The following HSP90AA1 variants were observed in gnomAD, a reference collection of about 807,000 sequenced individuals.
HSP90AA1 encodes the protein heat shock protein HSP 90-alpha.
Under a neutral mutation model 73.3 loss-of-function variants are expected in HSP90AA1, and 18 were observed. That is an observed-to-expected ratio of 0.25 (90% CI 0.17 to 0.36). HSP90AA1 has a LOEUF of 0.36. Ranked by LOEUF, HSP90AA1 falls within the 10% of genes least tolerant of loss-of-function variation. The pLI, the probability that HSP90AA1 is intolerant of heterozygous loss-of-function variation, is 1.00. For missense variants in HSP90AA1, 704 were observed against 874.2 expected, an observed-to-expected ratio of 0.81 and a Z score of 2.45; for synonymous variants, 477 against 296.9, an observed-to-expected ratio of 1.61 and a Z score of -6.24.
rs775591243 is a variant in HSP90AA1 at position 102,084,574 on chromosome 14, A to C, written c.982-10T>G. 8.1e-6 allele frequency: 13 copies of C among 1,614,204 alleles called. No individual in the cohort carries two copies. Among genetic ancestry groups the C allele is most frequent in the Non-Finnish European group, 1.1e-5 (13 of 1,180,020 alleles). On this transcript the variant is annotated splice_polypyrimidine_tract_variant and intron_variant, in intron 5 of 10. Coordinates refer to ENST00000216281, the MANE Select transcript of HSP90AA1 (RefSeq NM_005348.4). ...CTTCAACTGAAAAATGCTGTAATAA[A>C]ACAGATACACTAAGTACCAATGAAC... is the stretch of plus-strand genomic sequence containing the variant.
chr14:102,129,504 CT>C (rs34986713), intron 1 of HSP90AA1, among the ~76,000 whole-genome samples: 75,890 of 108,334 alleles, frequency 0.7, 24,521 homozygotes, highest in East Asian at 0.87. Flanking sequence ...TACTACATTC[CT>C]TTTTTTTTTT....
chr14:102,086,012 A>G lies in HSP90AA1; in HGVS notation c.275T>C (p.Val92Ala). The G allele has an allele frequency of 6.2e-7, 1 of 1,613,980 alleles. No individual in the cohort carries two copies. The highest frequency in any genetic ancestry group is 8.5e-7 in the Non-Finnish European group (1 of 1,179,858). ...PNKQDRTLTIVDTGIGMTKAD... is the reference protein window; with the variant it reads ...PNKQDRTLTIADTGIGMTKAD... ...CTTGGTCATTCCAATTCCAGTATCC[A>G]CAATAGTGAGAGTTCGATCTTGTTT... Residue 92 changes from valine to alanine, a missense_variant, in exon 3 of 11, where the codon GTG becomes GCG. Val to Ala is a moderately conservative substitution (Grantham distance 64, BLOSUM62 0). Transcript: ENST00000216281.
At chr14:102,089,176 C>T (rs1452070007), upstream of HSP90AA1, among the ~76,000 whole-genome samples, 5 of 152,204 alleles carry the variant, frequency 3.3e-5, no homozygotes, top group African/African-American at 1.2e-4. Context: ...CCGCCTCGGC[C>T]TCCCAAAGTG....
At chr14:102,092,420 A>G (rs1233913361) in intron 2 of HSP90AA1, among the ~76,000 whole-genome samples, 4 of 152,146 alleles carry the variant, frequency 2.6e-5, no homozygotes, top group Non-Finnish European at 5.9e-5. Flanking sequence ...ACTTTGCATG[A>G]TTTAAATCCT....
At chr14:102,094,529 G>A (rs1017397040) in intron 2 of HSP90AA1, among the ~76,000 whole-genome samples, 3 of 152,204 alleles carry the variant, frequency 2.0e-5, no homozygotes, top group Admixed American at 2.0e-4. Context: ...GGGAGGGAGT[G>A]TGGGGAAGGG....
chr14:102,134,162 AC>A (rs1328249427), intron 1 of HSP90AA1, among the ~76,000 whole-genome samples: 54 of 115,736 alleles, frequency 4.7e-4, no homozygotes, highest in African/African-American at 8.6e-4. Flanking sequence ...AAAAAAAAAA[AC>A]CCCGTCTCTA....
At chr14:102,123,793 A>C (rs2049808288) in intron 1 of HSP90AA1, among the ~76,000 whole-genome samples, 1 of 152,090 alleles carries the variant, frequency 6.6e-6, no homozygotes, top group Non-Finnish European at 1.5e-5. Context: ...TGAGATGTAT[A>C]CTAGCAACCG....
chr14:102,087,491 C>T (rs1843059769), upstream of HSP90AA1, among the ~76,000 whole-genome samples: 1 of 151,884 alleles, frequency 6.6e-6, no homozygotes, highest in Non-Finnish European at 1.5e-5. Context: ...GGAGGCGCGC[C>T]TGGAGGGAGG....
chr14:102,132,228 G>A (rs1399591894), intron 1 of HSP90AA1, among the ~76,000 whole-genome samples: 2 of 152,120 alleles, frequency 1.3e-5, no homozygotes, highest in Admixed American at 6.6e-5. Context: ...TTAGCTGGGC[G>A]TGGTGGCACA....
chr14:102,105,226 A>C (rs1301675939), intron 1 of HSP90AA1, among the ~76,000 whole-genome samples: 6,160 of 147,486 alleles, frequency 0.042, 677 homozygotes, highest in African/African-American at 0.14. Context: ...AAACAAAAAA[A>C]AAACCAAACT....
intron 1 of HSP90AA1, among the ~76,000 whole-genome samples, chr14:102,117,474 G>A (rs149061976): frequency 0.011 from 1,663 of 150,724 alleles, 15 homozygotes; most frequent in Non-Finnish European, 0.017. Flanking sequence ...CTGCAGAGAT[G>A]AGCTACCCTC....
At chr14:102,082,028 G>C in intron 10 of HSP90AA1, 83 bp downstream of exon 10, 1 of 1,010,788 alleles carries the variant, frequency 9.9e-7, no homozygotes, top group Non-Finnish European at 1.5e-6. Context: ...GGTGCTCCAA[G>C]TTTGGATAAC....
intron 3 of HSP90AA1, 128 bp downstream of exon 3, chr14:102,085,630 C>T: frequency 1.4e-6 from 2 of 1,429,040 alleles, no homozygotes; most frequent in Middle Eastern, 1.8e-4. Context: ...TAATTAAGTG[C>T]TCTAGCTTGT....
upstream of HSP90AA1, chr14:102,087,260 C>G: frequency 1.5e-6 from 1 of 683,076 alleles, no homozygotes; most frequent in Non-Finnish European, 1.8e-6. Context: ...AACCTTCCCT[C>G]AATCGCCGCC....
In HSP90AA1 at chr14:102,086,263, G is replaced by A. The variant is rs1245875298; in HGVS notation, c.116C>T (p.Ser39Leu). 2 of 1,614,100 alleles carry A rather than the reference G, an allele frequency of 1.2e-6. No individual in the cohort carries two copies. Among genetic ancestry groups the A allele is most frequent in the South Asian group, 1.1e-5 (1 of 91,078 alleles). Residue 39 changes from serine (S) to leucine (L), a missense_variant, in exon 2 of 11, where the codon TCG (serine) becomes TTG (leucine). Coordinates refer to ENST00000216281, the MANE Select transcript of HSP90AA1 (RefSeq NM_005348.4). ...CTCTCTCAGAAAGATCTCTTTGTTC[G>A]AGTAGAAAGTATTGATGATCAATGA... ...LMSLIINTFY[S>L]NKEIFLRELI... is the part of the protein sequence containing the mutation.
intron 1 of HSP90AA1, among the ~76,000 whole-genome samples, chr14:102,115,135 A>AG (rs1270166433): frequency 1.6e-5 from 1 of 64,268 alleles, no homozygotes; most frequent in Non-Finnish European, 5.6e-5. Flanking sequence ...CCACAGAGCA[A>AG]GAAAAAAAAA....
chr14:102,134,959 A>C (rs2049965684), intron 1 of HSP90AA1, among the ~76,000 whole-genome samples: 1 of 152,180 alleles, frequency 6.6e-6, no homozygotes, highest in African/African-American at 2.4e-5. Context: ...ACAATCCCTG[A>C]GCTACATACA....
intron 1 of HSP90AA1, among the ~76,000 whole-genome samples, chr14:102,123,192 C>T (rs192047811): frequency 2.0e-5 from 3 of 151,738 alleles, no homozygotes; most frequent in African/African-American, 7.2e-5. Context: ...GTCAGGAGTT[C>T]GAGACCAGCT....
chr14:102,083,873 A>G lies in HSP90AA1; in HGVS notation c.1258T>C (p.Cys420Arg), dbSNP rs2049156187. ...KVIRKNLVKK[C>R]LELFTELAED... Reference sequence around the variant, plus strand: ...GCCAGTTCAGTAAAGAGTTCTAAGCATTTTTTGACCAAATTCTTCCTGATA... The same window carrying G: ...GCCAGTTCAGTAAAGAGTTCTAAGCGTTTTTTGACCAAATTCTTCCTGATA... Residue 420 changes from cysteine (C) to arginine (R), a missense_variant, in exon 7 of 11, where the codon TGC (cysteine) becomes CGC (arginine). Physicochemically the swap from Cys to Arg is radical, Grantham distance 180. Coordinates refer to ENST00000216281, the MANE Select transcript of HSP90AA1 (RefSeq NM_005348.4). The G allele has an allele frequency of 6.2e-7, 1 of 1,613,868 alleles. No homozygotes were observed.
Sources: allele counts gnomAD v4.1 joint callset (sites outside exome capture counted in the v4.1 genomes callset), GRCh38; gene constraint gnomAD v4.1.1; transcripts MANE v1.5; gene names NCBI Gene and HGNC (gene_info 2026-07-23, HGNC 2026-07-21).